The following HERC5 variants were observed in gnomAD, a reference collection of about 807,000 sequenced individuals.
HERC5 encodes E3 ISG15--protein ligase HERC5.
In HERC5, 99 loss-of-function variants were observed where a neutral mutation model predicts 119.6. The observed-to-expected ratio is 0.83, with a 90% CI of 0.70 to 0.98. The LOEUF is 0.98. Among genes scored for constraint, HERC5 ranks in the 50% least tolerant of loss-of-function variants. The probability of loss-of-function intolerance (pLI) is 0.00; values close to 1 mark genes in which losing one functional copy is unlikely to be tolerated. For synonymous variants in HERC5, 478 were observed against 445.9 expected (o/e 1.07, Z -0.91); for missense variants, 1,267 against 1,241.3 (o/e 1.02, Z -0.31).
intron 12 of HERC5, among the ~76,000 whole-genome samples, chr4:88,478,310 A>T (rs1301545050): frequency 6.6e-6 from 1 of 152,234 alleles, no homozygotes; most frequent in Admixed American, 6.5e-5. Context: ...TGTTATGTGT[A>T]TCAAAAAATT....
At chr4:88,467,610 TGAACTGTGCTCA>T (rs1266806249) in intron 7 of HERC5, among the ~76,000 whole-genome samples, 1 of 152,270 alleles carries the variant, frequency 6.6e-6, no homozygotes, top group Non-Finnish European at 1.5e-5. Context: ...TACCTGGCAC[TGAACTGTGCTCA>T]GCACTTACTT....
chr4:88,459,704 A>G (rs1560595851), intron 2 of HERC5, among the ~76,000 whole-genome samples: 2 of 152,160 alleles, frequency 1.3e-5, no homozygotes, highest in Non-Finnish European at 2.9e-5. Flanking sequence ...GGACTTTCCT[A>G]TTCATTAACT....
At chr4:88,476,756 A>G (rs1180244391) in intron 12 of HERC5, among the ~76,000 whole-genome samples, 1 of 151,894 alleles carries the variant, frequency 6.6e-6, no homozygotes, top group Non-Finnish European at 1.5e-5. Context: ...CCCTGACTCT[A>G]CTAAAAATAC....
chr4:88,500,020 A>G, intron 19 of HERC5, 28 bp downstream of exon 19: 1 of 1,382,806 alleles, frequency 7.2e-7, no homozygotes. Context: ...CAGATAACAG[A>G]TTAGTTTTAA....
At chr4:88,457,776 G>T (rs1191875463) in intron 1 of HERC5, 1 of 660,014 alleles carries the variant, frequency 1.5e-6, no homozygotes, top group Non-Finnish European at 2.1e-6. Context: ...CAAAGTGGCC[G>T]GTGCGGGGCA....
At chr4:88,470,210 G>A (rs1560602097) in intron 9 of HERC5, among the ~76,000 whole-genome samples, 1 of 152,156 alleles carries the variant, frequency 6.6e-6, no homozygotes, top group Non-Finnish European at 1.5e-5. Flanking sequence ...CTTCTAAGAT[G>A]AAACTGAGCA....
chr4:88,505,974 T>TAAA lies in HERC5; in HGVS notation c.*97_*98insAAA. 4 of 957,126 alleles carry TAAA rather than the reference T, an allele frequency of 4.2e-6. 1 individual carries two copies. The South Asian group carries it at 5.0e-5, about 12-fold the overall frequency. The allele number at this position is 957,126 out of a possible 1,614,324, so 59.3% of individuals were successfully genotyped here. A position where few individuals can be genotyped will look rare whatever the true frequency, so the allele number is the denominator to read the frequency against. On this transcript the variant is annotated 3_prime_UTR_variant, in exon 23 of 23. Transcript: ENST00000264350. ...TCTACTTTGTTTTGTTTTAGGCTTTTAGCAGCCTGAAGCCATGGTTTTTCA... is the reference window on the plus strand; with the variant it reads ...TCTACTTTGTTTTGTTTTAGGCTTTTAAAAGCAGCCTGAAGCCATGGTTTTTCA...
Position 88,486,192 on chromosome 4 carries a change from A to G in HERC5, c.1815A>G (p.Val605=), listed in dbSNP as rs1185515641. 2 of 1,610,806 alleles carry G rather than the reference A, an allele frequency of 1.2e-6. No individual in the cohort carries two copies. The highest frequency in any genetic ancestry group is 3.3e-5 in the Admixed American group (2 of 59,860). The part of the protein sequence containing the change: ...DELLHRLNFF[V]EVCRRYLWKM... ...TCTTGCACCGTCTCAATTTTTTTGT[A>G]GAAGTATGCAGAAGGTACTTGTGGA... is the stretch of plus-strand genomic sequence containing the variant. Residue 605 remains valine (V), a synonymous_variant, in exon 14 of 23, where the codon GTA becomes GTG. Transcript: ENST00000264350.
chr4:88,483,154 G>A (rs1741337612), intron 13 of HERC5, among the ~76,000 whole-genome samples: 1 of 151,988 alleles, frequency 6.6e-6, no homozygotes, highest in Non-Finnish European at 1.5e-5. Context: ...TTTTTTCATG[G>A]ACTATTCTTA....
chr4:88,478,495 G>C (rs922204490), intron 12 of HERC5, among the ~76,000 whole-genome samples: 3 of 152,038 alleles, frequency 2.0e-5, no homozygotes, highest in Non-Finnish European at 2.9e-5. Flanking sequence ...AGATGTGTAG[G>C]ATCAACAAGT....
chr4:88,460,549 T>C (rs1740392882), intron 3 of HERC5, among the ~76,000 whole-genome samples: 1 of 152,234 alleles, frequency 6.6e-6, no homozygotes, highest in Non-Finnish European at 1.5e-5. Flanking sequence ...GAATCCCCTT[T>C]TGTGGCCAGG....
intron 18 of HERC5, among the ~76,000 whole-genome samples, chr4:88,499,311 G>A (rs1741884987): frequency 6.6e-6 from 1 of 152,182 alleles, no homozygotes; most frequent in African/African-American, 2.4e-5. Context: ...GAGTGAATGA[G>A]CAAATACAAT....
At chr4:88,505,027 T>C (rs1742064948) in intron 22 of HERC5, among the ~76,000 whole-genome samples, 4 of 152,214 alleles carry the variant, frequency 2.6e-5, no homozygotes, top group Admixed American at 2.6e-4. Context: ...TTTCCTTACT[T>C]TTGAGAAATA....
In HERC5 at chr4:88,457,224, G is replaced by C; in HGVS notation, c.-46G>C. ...TGGGCGCGCTCAGTCCCGGGACCAG[G>C]CGTTCTCTCCTCTCGCCTCTGGGCC... On this transcript the variant is annotated 5_prime_UTR_variant, in exon 1 of 23. Transcript: ENST00000264350. The C allele has an allele frequency of 2.3e-6, 3 of 1,289,516 alleles. No homozygotes were observed. Among genetic ancestry groups the C allele is most frequent in the Non-Finnish European group, 3.0e-6 (3 of 1,016,492 alleles). The allele number at this position is 1,289,516 out of a possible 1,614,324, so 79.9% of individuals were successfully genotyped here. A position where few individuals can be genotyped will look rare whatever the true frequency, so the allele number is the denominator to read the frequency against.
chr4:88,466,947 T>A, intron 6 of HERC5, 112 bp from the exon 7 acceptor site: 2 of 1,018,708 alleles, frequency 2.0e-6, no homozygotes. Context: ...CTCTAAGAGA[T>A]GTTTAGTTTC....
intron 13 of HERC5, among the ~76,000 whole-genome samples, chr4:88,480,420 A>T (rs970187957): frequency 6.7e-6 from 1 of 148,772 alleles, no homozygotes; most frequent in Non-Finnish European, 1.5e-5. Context: ...ACAGATATAT[A>T]TGCTGTTTGC....
rs745964893 is a variant in HERC5, at chr4:88,463,612, C to G, written c.769C>G (p.Leu257Val). ...FVACGGSHSA[L>V]LTQDGLLFTF... ...CGCTTGTGGTGGCTCTCACAGTGCC[C>G]TACTCACACAGGTGGGTGTACCCTT... The change falls in exon 5 of 23, where the codon CTA (leucine) becomes GTA (valine). Residue 257 changes from leucine (L) to valine (V), a missense_variant. Around this residue, in one of 3 missense-constraint regions of HERC5, gnomAD observed 777 missense variants for 758.0 expected, o/e 1.03. Coordinates refer to ENST00000264350, the MANE Select transcript of HERC5 (RefSeq NM_016323.4). 15 of 1,611,974 alleles carry G rather than the reference C, an allele frequency of 9.3e-6. No homozygotes were observed. Among genetic ancestry groups the G allele is most frequent in the Non-Finnish European group, 1.2e-5 (14 of 1,178,640 alleles).
Position 88,463,947 on chromosome 4 carries a change from G to A in HERC5, c.873G>A (p.Glu291=). The change falls in exon 6 of 23, where the codon GAG becomes GAA. Residue 291 remains glutamate, a synonymous_variant. Coordinates refer to ENST00000264350, the MANE Select transcript of HERC5 (RefSeq NM_016323.4). The part of the protein sequence containing the change: ...QNELRPCLVA[E]LVGYRVTQIA... The stretch of plus-strand genomic sequence containing the variant: ...AGCTAAGACCCTGTTTGGTGGCTGA[G>A]CTTGTTGGGTATAGAGTGACTCAGA... The A allele has an allele frequency of 1.9e-6, 3 of 1,613,870 alleles. No individual in the cohort carries two copies. Among genetic ancestry groups the A allele is most frequent in the Non-Finnish European group, 8.5e-7 (1 of 1,179,996 alleles).
chr4:88,464,018 A>T, intron 6 of HERC5, 33 bp downstream of exon 6: 1 of 1,579,920 alleles, frequency 6.3e-7, no homozygotes, highest in Non-Finnish European at 8.6e-7. Context: ...GAATTGATAA[A>T]ATGAGTGCAG....
Sources: allele counts gnomAD v4.1 joint callset (sites outside exome capture counted in the v4.1 genomes callset), GRCh38; gene constraint gnomAD v4.1.1; regional missense constraint gnomAD v4.1.1; transcripts MANE v1.5; gene names NCBI Gene and HGNC (gene_info 2026-07-23, HGNC 2026-07-21).